The following DRC8 variants were observed in gnomAD, a reference collection of about 807,000 sequenced individuals.
The protein encoded by DRC8 is dynein regulatory complex protein 8.
the DRC8 span, among the ~76,000 whole-genome samples, chr1:245,016,718 G>A: frequency 2.6e-5 from 4 of 152,126 alleles, no homozygotes; most frequent in Admixed American, 6.6e-5. Flanking sequence ...ATATATGTAA[G>A]TCATAGTCCA....
At chr1:245,096,488 T>C in the DRC8 span, among the ~76,000 whole-genome samples, 3 of 152,234 alleles carry the variant, frequency 2.0e-5, no homozygotes, top group African/African-American at 7.2e-5. Context: ...CTGTGCTGGG[T>C]ACCAGAGATG....
the DRC8 span, among the ~76,000 whole-genome samples, chr1:245,094,857 T>C: frequency 6.6e-6 from 1 of 152,190 alleles, no homozygotes; most frequent in Non-Finnish European, 1.5e-5. Flanking sequence ...TAACCACCAT[T>C]ACTAATGCTT....
At chr1:245,053,769 C>G in the DRC8 span, among the ~76,000 whole-genome samples, 2 of 152,132 alleles carry the variant, frequency 1.3e-5, no homozygotes, top group Non-Finnish European at 2.9e-5. Flanking sequence ...CAGGTGAGAC[C>G]ATAGCAGATT....
At chr1:244,975,794 A>G in the DRC8 span, among the ~76,000 whole-genome samples, 1 of 152,150 alleles carries the variant, frequency 6.6e-6, no homozygotes, top group Non-Finnish European at 1.5e-5. Context: ...CAGGAGGTGG[A>G]GGTTGCAGTG....
the DRC8 span, chr1:245,059,482 T>C: frequency 6.3e-7 from 1 of 1,598,196 alleles, no homozygotes; most frequent in Non-Finnish European, 8.5e-7. Context: ...AAAGGTTTCA[T>C]TCAGCCAGCT....
the DRC8 span, among the ~76,000 whole-genome samples, chr1:245,055,346 A>G: frequency 3.3e-5 from 5 of 152,028 alleles, no homozygotes; most frequent in African/African-American, 1.2e-4. Context: ...TAGAGACACG[A>G]TCTCACTCTG....
At chr1:245,108,512 C>G in the DRC8 span, among the ~76,000 whole-genome samples, 2 of 152,174 alleles carry the variant, frequency 1.3e-5, no homozygotes, top group South Asian at 4.1e-4. Context: ...TCCCAGGATT[C>G]TAGCCTCAGC....
chr1:245,087,591 T>G, the DRC8 span: 1 of 1,131,762 alleles, frequency 8.8e-7, no homozygotes, highest in South Asian at 3.0e-5. Context: ...CTTAAAACAT[T>G]TTAACATTAG....
At chr1:245,024,665 A>G in the DRC8 span, among the ~76,000 whole-genome samples, 1 of 150,010 alleles carries the variant, frequency 6.7e-6, no homozygotes, top group African/African-American at 2.5e-5. Context: ...CTCCTGTCTC[A>G]GCCTCCTGAG....
the DRC8 span, among the ~76,000 whole-genome samples, chr1:244,972,148 C>T: frequency 6.6e-6 from 1 of 151,966 alleles, no homozygotes; most frequent in African/African-American, 2.4e-5. Flanking sequence ...AATTTTTTTC[C>T]ATTTAAAGTA....
the DRC8 span, among the ~76,000 whole-genome samples, chr1:245,007,058 T>C: frequency 1.9e-3 from 290 of 152,318 alleles, 2 homozygotes; most frequent in African/African-American, 6.6e-3. Context: ...AGGACTGTGA[T>C]CAGGGAATCA....
At chr1:245,044,723 C>T in the DRC8 span, among the ~76,000 whole-genome samples, 26 of 151,896 alleles carry the variant, frequency 1.7e-4, no homozygotes, top group African/African-American at 3.4e-4. Context: ...CCTGCCACCA[C>T]GCCTGGCTAT....
the DRC8 span, among the ~76,000 whole-genome samples, chr1:245,098,161 C>T: frequency 9.2e-5 from 14 of 152,082 alleles, no homozygotes; most frequent in African/African-American, 3.4e-4. Flanking sequence ...GAAAAAGACA[C>T]CAAGAATGAT....
the DRC8 span, among the ~76,000 whole-genome samples, chr1:245,118,486 A>G: frequency 6.6e-6 from 1 of 152,100 alleles, no homozygotes; most frequent in Non-Finnish European, 1.5e-5. Flanking sequence ...GGAAGATACT[A>G]CGTGCTGTAA....
the DRC8 span, among the ~76,000 whole-genome samples, chr1:244,972,041 G>C: frequency 1.3e-5 from 2 of 149,298 alleles, no homozygotes; most frequent in Admixed American, 1.3e-4. Context: ...GACTTGGTTA[G>C]GTCAGCATGA....
chr1:245,071,080 GT>G, the DRC8 span, among the ~76,000 whole-genome samples: 2 of 152,186 alleles, frequency 1.3e-5, no homozygotes, highest in Non-Finnish European at 2.9e-5. Context: ...AAGCTGTTAG[GT>G]ATGCTGTTTA....
chr1:245,109,499 C>G, the DRC8 span, among the ~76,000 whole-genome samples: 1 of 152,338 alleles, frequency 6.6e-6, no homozygotes, highest in African/African-American at 2.4e-5. Context: ...GACAAGCACC[C>G]TCATGCCGGT....
chr1:245,071,213 G>A, the DRC8 span, among the ~76,000 whole-genome samples: 1 of 152,232 alleles, frequency 6.6e-6, no homozygotes, highest in African/African-American at 2.4e-5. Context: ...TTGGAACTGG[G>A]GGTCAAGGCT....
the DRC8 span, among the ~76,000 whole-genome samples, chr1:244,972,775 C>G: frequency 3.3e-5 from 5 of 151,290 alleles, no homozygotes; most frequent in African/African-American, 9.7e-5. Flanking sequence ...CAAGATCACA[C>G]CACTGCACTC....
Sources: gnomAD v4.1 joint callset for allele counts (sites outside exome capture counted in the v4.1 genomes callset) on GRCh38, gnomAD v4.1.1 for gene constraint, MANE v1.5 for transcripts, NCBI Gene and HGNC (gene_info 2026-07-23, HGNC 2026-07-21) for gene names.